PSD3: variants seen among roughly 807,000 people sequenced by gnomAD.
PSD3 encodes the protein pleckstrin and Sec7 domain containing 3.
In PSD3, 49 loss-of-function variants were observed where a neutral mutation model predicts 105.5. The ratio of observed to expected loss-of-function variants is 0.46; its 90% CI spans 0.37 to 0.59. The LOEUF (loss-of-function observed/expected upper bound fraction) is 0.59, where lower values mean the gene tolerates loss of function less well. Ranked by LOEUF, PSD3 falls within the 20% of genes least tolerant of loss-of-function variation. The pLI is 0.00. For missense variants in PSD3, 1,561 were observed against 1,263.8 expected, an observed-to-expected ratio of 1.24 and a Z score of -3.57; for synonymous variants, 557 against 457.8, an observed-to-expected ratio of 1.22 and a Z score of -2.77.
At chr8:19,038,555 G>C (rs1828021640) in intron 1 of PSD3, among the ~76,000 whole-genome samples, 1 of 152,006 alleles carries the variant, frequency 6.6e-6, no homozygotes, top group South Asian at 2.1e-4. Context: ...TAACCTCCTG[G>C]GCTCAAGCGA....
intron 1 of PSD3, among the ~76,000 whole-genome samples, chr8:19,027,750 T>C (rs1827608936): frequency 6.6e-6 from 1 of 152,234 alleles, no homozygotes; most frequent in Non-Finnish European, 1.5e-5. Context: ...CTTTTGAGAT[T>C]CATCCATATT....
At chr8:18,616,624 TTTTC>T (rs1473489429) in intron 11 of PSD3, among the ~76,000 whole-genome samples, 38 of 30,100 alleles carry the variant, frequency 1.3e-3, no homozygotes, top group Middle Eastern at 0.028. Flanking sequence ...CTCTCTTTTC[TTTTC>T]TTTTTTTTTT....
At chr8:19,059,166 G>A (rs192490406) in intron 1 of PSD3, among the ~76,000 whole-genome samples, 1 of 152,268 alleles carries the variant, frequency 6.6e-6, no homozygotes, top group Non-Finnish European at 1.5e-5. Flanking sequence ...CTAAGTCATC[G>A]GAAAGTCTCT....
chr8:18,718,814 G>C (rs191232179), intron 9 of PSD3, among the ~76,000 whole-genome samples: 1 of 152,020 alleles, frequency 6.6e-6, no homozygotes. Flanking sequence ...AAAGTCGTTT[G>C]GTGCAAAAAA....
chr8:18,814,780 C>G (rs73580708), intron 4 of PSD3, among the ~76,000 whole-genome samples: 2,328 of 152,270 alleles, frequency 0.015, 61 homozygotes, highest in African/African-American at 0.054. Flanking sequence ...CACTTACAGT[C>G]TGACCAACTC....
intron 1 of PSD3, among the ~76,000 whole-genome samples, chr8:19,064,854 T>C (rs1829024333): frequency 6.6e-6 from 1 of 152,214 alleles, no homozygotes; most frequent in South Asian, 2.1e-4. Flanking sequence ...GATTTTAGCT[T>C]GAAGTAAAGC....
At chr8:18,751,434 G>A (rs1805482954) in intron 9 of PSD3, among the ~76,000 whole-genome samples, 2 of 152,268 alleles carry the variant, frequency 1.3e-5, no homozygotes, top group South Asian at 4.1e-4. Context: ...GGAGCAGAAG[G>A]GGAGCGGTGA....
intron 11 of PSD3, among the ~76,000 whole-genome samples, chr8:18,613,184 G>A (rs1317679463): frequency 3.9e-5 from 6 of 152,080 alleles, no homozygotes; most frequent in African/African-American, 1.4e-4. Flanking sequence ...AACACCTGAC[G>A]AAATGCCGCC....
At chr8:18,898,105 T>G (rs1431995882) in intron 2 of PSD3, among the ~76,000 whole-genome samples, 3 of 152,192 alleles carry the variant, frequency 2.0e-5, no homozygotes, top group Non-Finnish European at 4.4e-5. Flanking sequence ...TGTTCCTTCT[T>G]ACCTAACTTG....
At chr8:18,605,697 GT>G (rs2130605849) in intron 11 of PSD3, among the ~76,000 whole-genome samples, 1 of 152,272 alleles carries the variant, frequency 6.6e-6, no homozygotes, top group East Asian at 1.9e-4. Context: ...GTAATTCCCA[GT>G]GTTGGAGGTG....
intron 1 of PSD3, among the ~76,000 whole-genome samples, chr8:18,946,490 A>C (rs1822863011): frequency 6.6e-6 from 1 of 152,170 alleles, no homozygotes; most frequent in Non-Finnish European, 1.5e-5. Flanking sequence ...GTGAGGGAGG[A>C]GAATCACTTG....
At chr8:18,678,291 C>A (rs1800183247) in intron 9 of PSD3, among the ~76,000 whole-genome samples, 1 of 152,098 alleles carries the variant, frequency 6.6e-6, no homozygotes, top group South Asian at 2.1e-4. Context: ...AAAAATTCTC[C>A]TTGGGAGCTC....
At position 18,724,048 on chromosome 8, in the gene PSD3, A is replaced by T. The variant is rs192974651; in HGVS notation, c.2172+41401T>A. Among the ~76,000 whole-genome samples the T allele has an allele frequency of 2.0e-3, 304 of 152,320 alleles. 2 individuals carry two copies. Among genetic ancestry groups the T allele is most frequent in the Non-Finnish European group, 3.5e-3 (237 of 68,022 alleles). ...CATGTCTACAGTTATACAGAAAATT[A>T]TTCTTTTGAGGGTTAATGATAATAG... On this transcript the variant is annotated intron_variant, in intron 9 of 15. Transcript: ENST00000327040.
Position 18,535,737 on chromosome 8 carries a change from T to C in PSD3, c.*6A>G. 6.2e-7 allele frequency: 1 copy of C among 1,600,064 alleles called. No homozygotes were observed. The highest frequency in any genetic ancestry group is 8.6e-7 in the Non-Finnish European group (1 of 1,167,212). Reference sequence around the variant, plus strand: ...ATGACCAGCACTTCCTGGCCGCAGATGGACTCTAAGTAACTTTTTGCTTAA... The same window carrying C: ...ATGACCAGCACTTCCTGGCCGCAGACGGACTCTAAGTAACTTTTTGCTTAA... On this transcript the variant is annotated 3_prime_UTR_variant, in exon 16 of 16. Coordinates refer to ENST00000327040, the MANE Select transcript of PSD3 (RefSeq NM_015310.4).
At chr8:18,779,934 C>T (rs335234) in intron 8 of PSD3, among the ~76,000 whole-genome samples, 58,000 of 152,046 alleles carry the variant, frequency 0.38, 11,523 homozygotes, top group African/African-American at 0.48. Flanking sequence ...GTCTATCAAG[C>T]GCATTTGATC....
rs147879392 is a variant in PSD3, at chr8:18,890,690, A to C, written c.131-17957T>G. Among the ~76,000 whole-genome samples the C allele has an allele frequency of 6.7e-3, 1,025 of 152,274 alleles. 14 individuals carry two copies. The highest frequency in any genetic ancestry group is 0.023 in the African/African-American group (962 of 41,534). On this transcript the variant is annotated intron_variant, in intron 2 of 15. Coordinates refer to ENST00000327040, the MANE Select transcript of PSD3 (RefSeq NM_015310.4). Reference sequence around the variant, plus strand: ...TTACAAGTCACCTGCAAACCTCTATAATTGTCCTAGAGCTACTTCACAGAT... The same window carrying C: ...TTACAAGTCACCTGCAAACCTCTATCATTGTCCTAGAGCTACTTCACAGAT...
At chr8:18,669,158 A>G (rs1485692936) in intron 9 of PSD3, among the ~76,000 whole-genome samples, 1 of 152,180 alleles carries the variant, frequency 6.6e-6, no homozygotes. Context: ...ACCACAACAA[A>G]TATTTGATTA....
rs146676212 is a variant in PSD3 at position 18,682,338 on chromosome 8, G to T, written c.2173-26653C>A. Among the ~76,000 whole-genome samples the T allele has an allele frequency of 3.3e-3, 501 of 152,296 alleles. 1 individual carries two copies. The highest frequency in any genetic ancestry group is 0.012 in the African/African-American group (486 of 41,568). ...GACGTCTCTTAGTGCTCTTATAGAA[G>T]CCAATTTTATAGCCATGTTGAGAAT... On this transcript the variant is annotated intron_variant, in intron 9 of 15. Transcript: ENST00000327040.
rs762791537 is a variant in PSD3, at chr8:18,765,516, C to A, written c.2105G>T (p.Cys702Phe). 24 of 1,611,120 alleles carry A rather than the reference C, an allele frequency of 1.5e-5. No individual in the cohort carries two copies. The highest frequency in any genetic ancestry group is 5.0e-5 in the Admixed American group (3 of 60,002). ...TTGCAGATTTGCAATGAACTCCTGA[C>A]AGGTCATCTTCTTTCCAATATTCTG... ...HGHNIGKKMT[C>F]QEFIANLQGV... Residue 702 changes from cysteine (C) to phenylalanine (F), a missense_variant, in exon 9 of 16, where the codon TGT (cysteine) becomes TTT (phenylalanine). Transcript: ENST00000327040.
Sources: gnomAD v4.1 joint callset for allele counts (sites outside exome capture counted in the v4.1 genomes callset) on GRCh38, gnomAD v4.1.1 for gene constraint, MANE v1.5 for transcripts, NCBI Gene and HGNC (gene_info 2026-07-23, HGNC 2026-07-21) for gene names.